Variants in PCCB observed in about 807,000 individuals in gnomAD.
PCCB encodes propionyl-CoA carboxylase beta chain, mitochondrial.
A neutral mutation model predicts 60.7 loss-of-function variants in PCCB; 43 were observed. That is an observed-to-expected ratio of 0.71 (90% CI 0.55 to 0.91). The LOEUF (loss-of-function observed/expected upper bound fraction) is 0.91, where lower values mean the gene tolerates loss of function less well. Among genes scored for constraint, PCCB ranks in the 40% least tolerant of loss-of-function variants. The pLI is 0.00. For synonymous variants in PCCB, 276 were observed against 255.9 expected (o/e 1.08, Z -0.75); for missense variants, 766 against 702.8 (o/e 1.09, Z -1.02).
intron 2 of PCCB, 89 bp downstream of exon 2, chr3:136,256,064 A>T (rs1941664795): frequency 6.3e-7 from 1 of 1,587,386 alleles, no homozygotes; most frequent in Admixed American, 1.7e-5. Flanking sequence ...TAAGGCTTTT[A>T]TCTGAAGTCC....
intron 5 of PCCB, among the ~76,000 whole-genome samples, chr3:136,278,490 G>C (rs1371425151): frequency 6.6e-6 from 1 of 151,954 alleles, no homozygotes; most frequent in African/African-American, 2.4e-5. Context: ...ATCTTGGTGG[G>C]GGTGGAAAAA....
chr3:136,261,870 A>G, intron 4 of PCCB, 82 bp from the exon 5 acceptor site: 3 of 972,294 alleles, frequency 3.1e-6, no homozygotes, highest in Non-Finnish European at 4.8e-6. Context: ...AACGTTTTCC[A>G]GAAAACACTG....
chr3:136,278,396 G>GA (rs1942387245), intron 5 of PCCB, among the ~76,000 whole-genome samples: 1 of 152,030 alleles, frequency 6.6e-6, no homozygotes, highest in African/African-American at 2.4e-5. Flanking sequence ...TGGCTTCTTG[G>GA]AAAAAGAGTC....
At chr3:136,275,826 A>G (rs1344469643) in intron 5 of PCCB, among the ~76,000 whole-genome samples, 1 of 152,134 alleles carries the variant, frequency 6.6e-6, no homozygotes, top group Non-Finnish European at 1.5e-5. Flanking sequence ...GCTGGAGTGC[A>G]GTGGCACAAT....
chr3:136,317,266 G>A lies in PCCB; in HGVS notation c.1090+202G>A, dbSNP rs1934940796. On this transcript the variant is annotated intron_variant, in intron 10 of 14. Coordinates refer to ENST00000251654, the MANE Select transcript of PCCB (RefSeq NM_000532.5). ...TTAGACAGGGTCTTACTGGTGTCTA[G>A]GCTGGAGTGCAGTGGTGTGATCTCA... 2.4e-5 allele frequency among the ~76,000 whole-genome samples: 3 copies of A among 123,102 alleles called. No homozygotes were observed. The South Asian group carries it at 8.3e-4, about 34-fold the overall frequency. 80.8% of individuals were successfully genotyped at this position (123,102 alleles called of 152,430 possible).
At chr3:136,286,055 C>G (rs1197976655) in intron 6 of PCCB, among the ~76,000 whole-genome samples, 2 of 152,074 alleles carry the variant, frequency 1.3e-5, no homozygotes, top group Non-Finnish European at 2.9e-5. Flanking sequence ...CTACCAGGTG[C>G]CAGGATATAA....
intron 13 of PCCB, 107 bp from the exon 14 acceptor site, chr3:136,328,651 A>G: frequency 1.2e-6 from 1 of 851,230 alleles, no homozygotes; most frequent in African/African-American, 1.6e-5. Flanking sequence ...TCCCCTCAGT[A>G]CACTGATTTA....
intron 5 of PCCB, among the ~76,000 whole-genome samples, chr3:136,282,368 C>G (rs188211945): frequency 2.0e-5 from 3 of 152,300 alleles, no homozygotes; most frequent in Admixed American, 2.0e-4. Context: ...TTGGAGCTTC[C>G]TGTTCTCTCT....
intron 3 of PCCB, among the ~76,000 whole-genome samples, 196 bp downstream of exon 3, chr3:136,256,819 G>A (rs971643437): frequency 6.6e-6 from 1 of 152,172 alleles, no homozygotes; most frequent in Non-Finnish European, 1.5e-5. Context: ...TCTGTTTTGG[G>A]GGGGATCACA....
At chr3:136,319,945 G>A (rs1382498680) in intron 10 of PCCB, among the ~76,000 whole-genome samples, 1 of 152,190 alleles carries the variant, frequency 6.6e-6, no homozygotes, top group Non-Finnish European at 1.5e-5. Flanking sequence ...AGCACCGTTT[G>A]TTGAAGAGAT....
At chr3:136,253,882 A>C (rs533455105) in intron 1 of PCCB, among the ~76,000 whole-genome samples, 9 of 151,926 alleles carry the variant, frequency 5.9e-5, no homozygotes, top group Non-Finnish European at 1.2e-4. Context: ...TCCTGGGCTC[A>C]AGCAGTCCTC....
At position 136,310,304 on chromosome 3, in the gene PCCB, G is replaced by A. The variant is rs557461018; in HGVS notation, c.967-6637G>A. ...CTTGAACCCAGGAGGCGGAGGTTGC[G>A]ATGAGCCAAGATCGTGCCATTGCAC... On this transcript the variant is annotated intron_variant, in intron 9 of 14. Transcript: ENST00000251654. Among the ~76,000 whole-genome samples the A allele has an allele frequency of 5.3e-5, 8 of 151,494 alleles. No homozygotes were observed. The South Asian group carries it at 1.0e-3, about 20-fold the overall frequency.
At chr3:136,301,334 T>C (rs1426253992) in intron 9 of PCCB, among the ~76,000 whole-genome samples, 1 of 151,920 alleles carries the variant, frequency 6.6e-6, no homozygotes, top group Non-Finnish European at 1.5e-5. Flanking sequence ...GGGCTGGAGA[T>C]AGGAGTAGTA....
intron 12 of PCCB, 38 bp downstream of exon 12, chr3:136,327,293 T>C: frequency 6.7e-7 from 1 of 1,500,176 alleles, no homozygotes; most frequent in Non-Finnish European, 9.3e-7. Flanking sequence ...CCCTGCTCAC[T>C]TTCCTACAGC....
In PCCB at chr3:136,329,150, C is replaced by G. The variant is rs1236965083; in HGVS notation, c.1498+293C>G. On this transcript the variant is annotated intron_variant, in intron 14 of 14. Transcript: ENST00000251654. ...CTATAACTCAACAGCTTAAACTAAC[C>G]ACCGTTTCCCCCACTGCTTATGGTT... is the stretch of plus-strand genomic sequence containing the variant. Among the ~76,000 whole-genome samples, 4 of 152,354 alleles carry G rather than the reference C, an allele frequency of 2.6e-5. No individual in the cohort carries two copies. In the East Asian group the frequency reaches 7.7e-4, roughly 29 times the overall value.
intron 8 of PCCB, among the ~76,000 whole-genome samples, chr3:136,298,727 G>T (rs149331312): frequency 2.0e-5 from 3 of 152,304 alleles, no homozygotes; most frequent in Admixed American, 1.3e-4. Context: ...TGGAGGCCCT[G>T]CCCAGGAACT....
At chr3:136,255,688 A>T (rs1188637117) in intron 1 of PCCB, among the ~76,000 whole-genome samples, 168 bp from the exon 2 acceptor site, 1 of 152,154 alleles carries the variant, frequency 6.6e-6, no homozygotes, top group African/African-American at 2.4e-5. Context: ...ATGTCATCTA[A>T]AGTCTACTAA....
Position 136,308,258 on chromosome 3 carries a change from G to T in PCCB, c.966+7147G>T, listed in dbSNP as rs576229578. On this transcript the variant is annotated intron_variant, in intron 9 of 14. Transcript: ENST00000251654. ...ACTTTTTTTTTTTTTTTTTGATATG[G>T]AGTCTCACTCTGTAACCCAGGCTGG... is the stretch of plus-strand genomic sequence containing the variant. Among the ~76,000 whole-genome samples the T allele has an allele frequency of 1.9e-4, 27 of 141,268 alleles. 1 individual carries two copies. The South Asian group carries it at 5.9e-3, about 31-fold the overall frequency. 92.7% of individuals were successfully genotyped at this position (141,268 alleles called of 152,430 possible).
Position 136,255,883 on chromosome 3 carries a change from A to G in PCCB, c.211A>G (p.Ser71Gly), listed in dbSNP as rs751518896. ...RGKLTARERI[S>G]LLLDPGSFVE... The stretch of plus-strand genomic sequence containing the variant: ...AAAGCTAACAGCCAGGGAGAGGATC[A>G]GTCTCTTGCTGGACCCTGGCAGCTT... The change falls in exon 2 of 15, where the codon AGT (serine) becomes GGT (glycine). Residue 71 changes from serine (S) to glycine (G), a missense_variant. By Grantham distance (56) the Ser-to-Gly change is moderately conservative (BLOSUM62 0). Coordinates refer to ENST00000251654, the MANE Select transcript of PCCB (RefSeq NM_000532.5). 5.0e-6 allele frequency: 8 copies of G among 1,613,926 alleles called. No homozygotes were observed. In the Admixed American group the frequency reaches 1.0e-4, roughly 20 times the overall value.
Sources: gnomAD v4.1 joint callset for allele counts (sites outside exome capture counted in the v4.1 genomes callset) on GRCh38, gnomAD v4.1.1 for gene constraint, MANE v1.5 for transcripts, NCBI Gene and HGNC (gene_info 2026-07-23, HGNC 2026-07-21) for gene names.